The following LSAMP variants were observed in gnomAD, a reference collection of about 807,000 sequenced individuals.
LSAMP encodes the protein limbic system associated membrane protein.
Under a neutral mutation model 38.6 loss-of-function variants are expected in LSAMP, and 7 were observed. That is an observed-to-expected ratio of 0.18 (90% CI 0.10 to 0.34). The LOEUF is 0.34. Ranked by LOEUF, LSAMP falls within the 10% of genes least tolerant of loss-of-function variation. The pLI is 1.00. For missense variants in LSAMP, 313 were observed against 420.0 expected (o/e 0.75, Z 2.23); for synonymous variants, 154 against 166.8 (o/e 0.92, Z 0.59).
chr3:116,339,580 A>G (rs1208920351), intron 1 of LSAMP, among the ~76,000 whole-genome samples: 1 of 151,940 alleles, frequency 6.6e-6, no homozygotes, highest in African/African-American at 2.4e-5. Context: ...AACCTGGACT[A>G]AACTTAGGGA....
intron 3 of LSAMP, among the ~76,000 whole-genome samples, chr3:115,889,767 A>G (rs961124278): frequency 6.6e-6 from 1 of 151,976 alleles, no homozygotes; most frequent in African/African-American, 2.4e-5. Context: ...GACTGTGTTT[A>G]GGCATTTCTG....
At chr3:116,233,633 C>T (rs535739277) in intron 1 of LSAMP, among the ~76,000 whole-genome samples, 1 of 151,868 alleles carries the variant, frequency 6.6e-6, no homozygotes, top group Non-Finnish European at 1.5e-5. Context: ...CCCTACTTCC[C>T]TTTCCAGCCT....
chr3:115,960,138 G>A (rs1938578843), intron 3 of LSAMP, among the ~76,000 whole-genome samples: 1 of 152,168 alleles, frequency 6.6e-6, no homozygotes. Context: ...GAATGTGGCT[G>A]CATTTGGAAG....
At chr3:116,377,415 C>T (rs2048507828) in intron 1 of LSAMP, among the ~76,000 whole-genome samples, 2 of 152,098 alleles carry the variant, frequency 1.3e-5, no homozygotes, top group Non-Finnish European at 1.5e-5. Flanking sequence ...TAATCTCATT[C>T]CTTTTTATGG....
chr3:116,006,735 C>T (rs1337757554), intron 3 of LSAMP, among the ~76,000 whole-genome samples: 1 of 152,188 alleles, frequency 6.6e-6, no homozygotes, highest in Non-Finnish European at 1.5e-5. Context: ...CAATGGGCAG[C>T]TAAGTCCTCA....
chr3:115,907,432 CAG>C (rs1440316903), intron 3 of LSAMP, among the ~76,000 whole-genome samples: 1 of 152,118 alleles, frequency 6.6e-6, no homozygotes, highest in East Asian at 1.9e-4. Flanking sequence ...ATCTATGAAG[CAG>C]AGAGTGGGCC....
chr3:115,841,237 A>G (rs1417274365), intron 6 of LSAMP, among the ~76,000 whole-genome samples: 1 of 152,086 alleles, frequency 6.6e-6, no homozygotes, highest in African/African-American at 2.4e-5. Context: ...CTACCATTCC[A>G]TCTCTGTTCC....
At chr3:116,401,387 T>A (rs900446781) in intron 1 of LSAMP, among the ~76,000 whole-genome samples, 1 of 152,140 alleles carries the variant, frequency 6.6e-6, no homozygotes, top group African/African-American at 2.4e-5. Context: ...GCTCAGGTGA[T>A]CCTCCCACCT....
intron 3 of LSAMP, among the ~76,000 whole-genome samples, chr3:115,965,436 T>C (rs993057795): frequency 2.0e-5 from 3 of 151,860 alleles, no homozygotes; most frequent in Non-Finnish European, 2.9e-5. Context: ...CATAGGAATA[T>C]CTTATAACCA....
At chr3:115,825,295 TG>T (rs757698154) in intron 6 of LSAMP, among the ~76,000 whole-genome samples, 1 of 152,230 alleles carries the variant, frequency 6.6e-6, no homozygotes, top group Non-Finnish European at 1.5e-5. Flanking sequence ...AGTTCTGCTT[TG>T]GACTACTTCC....
At chr3:116,172,910 G>A (rs889098402) in intron 1 of LSAMP, among the ~76,000 whole-genome samples, 3 of 151,724 alleles carry the variant, frequency 2.0e-5, no homozygotes, top group Admixed American at 6.6e-5. Flanking sequence ...TTTCCACATC[G>A]ACAATGGCTA....
chr3:116,012,106 A>C (rs531341852), intron 3 of LSAMP, among the ~76,000 whole-genome samples: 11 of 152,198 alleles, frequency 7.2e-5, no homozygotes, highest in Non-Finnish European at 1.5e-4. Context: ...ATCCTTTTGC[A>C]TCCTGTTTCT....
At chr3:116,082,107 T>C (rs1308612334) in intron 2 of LSAMP, among the ~76,000 whole-genome samples, 1 of 152,204 alleles carries the variant, frequency 6.6e-6, no homozygotes, top group Admixed American at 6.5e-5. Context: ...TTTGTATTCA[T>C]ACACACATGA....
chr3:116,404,223 G>A (rs972330795), intron 1 of LSAMP, among the ~76,000 whole-genome samples: 1 of 152,068 alleles, frequency 6.6e-6, no homozygotes, highest in Non-Finnish European at 1.5e-5. Flanking sequence ...TATATTGATT[G>A]CAAATTTTAG....
At chr3:116,234,863 A>G (rs975972313) in intron 1 of LSAMP, among the ~76,000 whole-genome samples, 6 of 152,142 alleles carry the variant, frequency 3.9e-5, no homozygotes, top group South Asian at 2.1e-4. Flanking sequence ...GCACATGTGC[A>G]TTCTTTGGAA....
At chr3:116,085,627 G>A (rs1039350426) in intron 2 of LSAMP, among the ~76,000 whole-genome samples, 11 of 152,200 alleles carry the variant, frequency 7.2e-5, no homozygotes, top group Admixed American at 5.2e-4. Context: ...CAATTATGGC[G>A]AAAGAAACCC....
chr3:116,027,557 A>G (rs969615996), intron 2 of LSAMP, among the ~76,000 whole-genome samples: 4 of 152,170 alleles, frequency 2.6e-5, no homozygotes, highest in Admixed American at 6.5e-5. Context: ...TAGCCATAAT[A>G]AGGGGAAAAT....
intron 1 of LSAMP, among the ~76,000 whole-genome samples, chr3:116,286,663 G>T (rs982044531): frequency 7.5e-4 from 114 of 152,106 alleles, no homozygotes; most frequent in African/African-American, 2.7e-3. Context: ...ATTAGCAGAG[G>T]AACTGGTATC....
intron 1 of LSAMP, among the ~76,000 whole-genome samples, chr3:116,288,894 GAATA>G (rs2047225609): frequency 6.6e-6 from 1 of 152,126 alleles, no homozygotes; most frequent in Non-Finnish European, 1.5e-5. Context: ...GTTCATTTGA[GAATA>G]AATGAAGTTC....
Sources: gnomAD v4.1 joint callset for allele counts (sites outside exome capture counted in the v4.1 genomes callset) on GRCh38, gnomAD v4.1.1 for gene constraint, MANE v1.5 for transcripts, NCBI Gene and HGNC (gene_info 2026-07-23, HGNC 2026-07-21) for gene names.